The following AK8 variants were observed in gnomAD, a reference collection of about 807,000 sequenced individuals.
The protein encoded by AK8 is adenylate kinase 8, also known as ATP-AMP transphosphorylase 8.
AK8 carries 44 observed loss-of-function variants against 54.6 expected under a neutral mutation model. The ratio of observed to expected loss-of-function variants is 0.81; its 90% CI spans 0.63 to 1.04. The LOEUF (loss-of-function observed/expected upper bound fraction) is 1.04. Among genes scored for constraint, AK8 ranks in the 50% least tolerant of loss-of-function variants. The pLI is 0.00. For synonymous variants in AK8, 239 were observed against 245.6 expected (o/e 0.97, Z 0.25); for missense variants, 555 against 613.6 (o/e 0.90, Z 1.01).
At chr9:132,740,163 G>A (rs1033013314) in intron 11 of AK8, among the ~76,000 whole-genome samples, 5 of 152,214 alleles carry the variant, frequency 3.3e-5, no homozygotes, top group African/African-American at 9.6e-5. Context: ...GGCGGAGCAC[G>A]GATTACTGTT....
intron 1 of AK8, 74 bp from the exon 2 acceptor site, chr9:132,875,273 G>C: frequency 2.5e-6 from 4 of 1,577,348 alleles, no homozygotes; most frequent in Non-Finnish European, 3.4e-6. Context: ...ACCAGCTATG[G>C]GGCCTGCTCT....
chr9:132,742,075 G>A (rs948982709), intron 11 of AK8, among the ~76,000 whole-genome samples: 1 of 152,094 alleles, frequency 6.6e-6, no homozygotes, highest in Admixed American at 6.5e-5. Context: ...ACTGTCGCAT[G>A]GATCAGAACT....
intron 11 of AK8, among the ~76,000 whole-genome samples, chr9:132,763,816 A>G (rs1838596905): frequency 6.6e-6 from 1 of 152,252 alleles, no homozygotes; most frequent in Non-Finnish European, 1.5e-5. Context: ...TAATTTGTCT[A>G]AAGTTTTTCT....
chr9:132,800,893 C>G (rs215184), intron 10 of AK8, among the ~76,000 whole-genome samples: 55,683 of 150,690 alleles, frequency 0.37, 12,547 homozygotes, highest in South Asian at 0.58. Context: ...GGCAGAGATG[C>G]CCAACAGTGA....
At chr9:132,741,305 A>G (rs1837379808) in intron 11 of AK8, among the ~76,000 whole-genome samples, 1 of 152,200 alleles carries the variant, frequency 6.6e-6, no homozygotes. Flanking sequence ...CAGTGCAGAC[A>G]AAGTTCCCGC....
In AK8 at chr9:132,766,419, A is replaced by C. The variant is rs1055045078; in HGVS notation, c.1121+26215T>G. Among the ~76,000 whole-genome samples, 3 of 152,296 alleles carry C rather than the reference A, an allele frequency of 2.0e-5. No homozygotes were observed. In the East Asian group the frequency reaches 5.8e-4, roughly 29 times the overall value. On this transcript the variant is annotated intron_variant, in intron 11 of 12. Coordinates refer to ENST00000298545, the MANE Select transcript of AK8 (RefSeq NM_152572.3). Reference sequence around the variant, plus strand: ...GTGATCCACTGTGCCTGACCTCCTAAGAATAAATTTAACCAAGGAAGTAAA... The same window carrying C: ...GTGATCCACTGTGCCTGACCTCCTACGAATAAATTTAACCAAGGAAGTAAA...
At position 132,826,070 on chromosome 9, in the gene AK8, T is replaced by C. The variant is rs1192160751; in HGVS notation, c.757+784A>G. On this transcript the variant is annotated intron_variant, in intron 8 of 12. Transcript: ENST00000298545. The surrounding 1 kb of genome is among the most constrained non-coding windows in gnomAD (Gnocchi z 4.5). ...CAATGATAGGAGCTATGACGACTGA[T>C]GTTTATTGAGGCTTTTCTCTGTGCC... Among the ~76,000 whole-genome samples, 1 of 152,212 alleles carries C rather than the reference T, an allele frequency of 6.6e-6. No individual in the cohort carries two copies. The highest frequency in any genetic ancestry group is 1.5e-5 in the Non-Finnish European group (1 of 68,032).
chr9:132,741,431 G>A lies in AK8; in HGVS notation c.1122-13897C>T, dbSNP rs144418511. Among the ~76,000 whole-genome samples, 110 of 152,272 alleles carry A rather than the reference G, an allele frequency of 7.2e-4. 2 individuals are homozygous for A. In the East Asian group the frequency reaches 0.016, roughly 22 times the overall value. On this transcript the variant is annotated intron_variant, in intron 11 of 12. Transcript: ENST00000298545. ...GGGAACACTGATCAACACTGAAGTC[G>A]CTCTGTTTGGACGCCAGTCAAGATC...
intron 11 of AK8, among the ~76,000 whole-genome samples, chr9:132,739,175 C>T (rs1025919470): frequency 4.6e-5 from 7 of 151,452 alleles, no homozygotes; most frequent in Admixed American, 2.0e-4. Context: ...CTGGGCTGGG[C>T]GTGGTGGCTC....
intron 4 of AK8, among the ~76,000 whole-genome samples, chr9:132,858,535 G>C (rs188464848): frequency 4.6e-5 from 7 of 152,340 alleles, no homozygotes; most frequent in African/African-American, 1.7e-4. Context: ...TTGGGAAGTA[G>C]AGCAGGGAGG....
Position 132,818,864 on chromosome 9 carries a change from G to A in AK8, c.890-4137C>T, listed in dbSNP as rs1841452154. Among the ~76,000 whole-genome samples, 4 of 151,700 alleles carry A rather than the reference G, an allele frequency of 2.6e-5. No homozygotes were observed. The South Asian group carries it at 8.3e-4, about 32-fold the overall frequency. On this transcript the variant is annotated intron_variant, in intron 9 of 12. Transcript: ENST00000298545. ...CCCCGTCTCTTAAAAAAAAAAAAGT[G>A]AGACCCAACTATATGCTGTTTACAA... is the stretch of plus-strand genomic sequence containing the variant.
chr9:132,819,760 ATGCAAATTTCAAAGGATCAAAATC>A (rs1269652218), intron 9 of AK8, among the ~76,000 whole-genome samples: 1 of 152,232 alleles, frequency 6.6e-6, no homozygotes, highest in African/African-American at 2.4e-5. Flanking sequence ...TAGACCATAT[ATGCAAATTTCAAAGGATCAAAATC>A]ACATAGGGTA....
At chr9:132,762,894 A>G (rs1838551077) in intron 11 of AK8, among the ~76,000 whole-genome samples, 1 of 152,168 alleles carries the variant, frequency 6.6e-6, no homozygotes, top group South Asian at 2.1e-4. Flanking sequence ...AAAGAAAAAG[A>G]AAAGAAAAAG....
chr9:132,878,534 A>T, upstream of AK8: 1 of 1,177,704 alleles, frequency 8.5e-7, no homozygotes, highest in Non-Finnish European at 1.0e-6. This position sits in a 1 kb window ranked among gnomAD's most constrained non-coding sequence, Gnocchi z 4.7. Context: ...CTCGTATCTG[A>T]GACCCCCGAC....
At chr9:132,727,416 G>A (rs1268203531) in intron 12 of AK8, 38 bp downstream of exon 12, 2 of 1,601,922 alleles carry the variant, frequency 1.2e-6, no homozygotes, top group African/African-American at 2.7e-5. Flanking sequence ...GCCCCTGGCA[G>A]TCCCCAGACT....
chr9:132,749,694 T>C (rs549948492), intron 11 of AK8, among the ~76,000 whole-genome samples: 14 of 150,654 alleles, frequency 9.3e-5, no homozygotes, highest in African/African-American at 3.4e-4. Context: ...AAGTGCTTCA[T>C]TTACTCTGTT....
At chr9:132,828,566 G>A in intron 6 of AK8, 79 bp downstream of exon 6, 1 of 1,300,202 alleles carries the variant, frequency 7.7e-7, no homozygotes, top group Non-Finnish European at 1.1e-6. Context: ...TCAGGAGCAG[G>A]CAGCATGAGC....
chr9:132,842,866 G>C (rs1333324720), intron 5 of AK8, among the ~76,000 whole-genome samples: 1 of 152,228 alleles, frequency 6.6e-6, no homozygotes, highest in African/African-American at 2.4e-5. Flanking sequence ...CTAGGGGCTG[G>C]AGGCCCCTGC....
intron 2 of AK8, among the ~76,000 whole-genome samples, chr9:132,868,995 A>G (rs1346942006): frequency 3.9e-5 from 6 of 152,154 alleles, no homozygotes; most frequent in African/African-American, 1.4e-4. Flanking sequence ...CCTGGCCAAC[A>G]TGGTGAAACC....
Sources: allele counts gnomAD v4.1 joint callset (sites outside exome capture counted in the v4.1 genomes callset), GRCh38; gene constraint gnomAD v4.1.1; non-coding constraint Gnocchi (gnomAD v3.1); transcripts MANE v1.5; gene names NCBI Gene and HGNC (gene_info 2026-07-23, HGNC 2026-07-21).